The following SSR1 variants were observed in gnomAD, a reference collection of about 807,000 sequenced individuals.
SSR1 encodes the protein signal sequence receptor subunit 1.
A neutral mutation model predicts 36.1 loss-of-function variants in SSR1; 13 were observed. The observed-to-expected ratio is 0.36, with a 90% confidence interval of 0.23 to 0.57. The LOEUF is 0.57. Ranked by LOEUF, SSR1 falls within the 20% of genes least tolerant of loss-of-function variation. The pLI, the probability that SSR1 is intolerant of heterozygous loss-of-function variation, is 0.81. For synonymous variants in SSR1, 113 were observed against 118.9 expected (o/e 0.95, Z 0.32); for missense variants, 291 against 338.5 (o/e 0.86, Z 1.10).
At position 7,295,426 on chromosome 6, in the gene SSR1, C is replaced by T. The variant is rs771292500; in HGVS notation, c.759G>A (p.Met253Ile). The change falls in exon 7 of 8, where the codon ATG becomes ATA. Residue 253 changes from methionine to isoleucine, a missense_variant. By Grantham distance (10) the Met-to-Ile change is conservative. Transcript: ENST00000244763. The stretch of plus-strand genomic sequence containing the variant: ...TCAATGTTTCCTGAGGAATCCAACT[C>T]ATGTCAACATCATTCTGACTTGATG... ...MGTSSQNDVD[M>I]SWIPQETLNQ... 1 of 1,612,192 alleles carries T rather than the reference C, an allele frequency of 6.2e-7. No individual in the cohort carries two copies. The highest frequency in any genetic ancestry group is 8.5e-7 in the Non-Finnish European group (1 of 1,179,450).
At chr6:7,307,644 T>C (rs9502598) in intron 2 of SSR1, among the ~76,000 whole-genome samples, 1 of 152,182 alleles carries the variant, frequency 6.6e-6, no homozygotes, top group Non-Finnish European at 1.5e-5. Context: ...TGGGCTCAAG[T>C]GATCCTCCTG....
chr6:7,312,241 C>T (rs1343506359), intron 1 of SSR1, among the ~76,000 whole-genome samples: 1 of 152,216 alleles, frequency 6.6e-6, no homozygotes, highest in African/African-American at 2.4e-5. Context: ...CACTTAATTG[C>T]TGGGTTAATT....
rs547321553 is a variant in SSR1, at chr6:7,281,247, A to C, written c.*8617T>G. ...GGAGGTTAGACCAGTAACAACAACC[A>C]AGAAAGCAAAGTGCTCGTTTCCATC... On this transcript the variant is annotated 3_prime_UTR_variant, in exon 8 of 8. Coordinates refer to ENST00000244763, the MANE Select transcript of SSR1 (RefSeq NM_003144.5). 2.0e-5 allele frequency: 3 copies of C among 152,206 alleles called. No homozygotes were observed. 9.4% of individuals were successfully genotyped at this position (152,206 alleles called of 1,614,324 possible). A position where few individuals can be genotyped will look rare whatever the true frequency, so the allele number is the denominator to read the frequency against.
At position 7,297,839 on chromosome 6, in the gene SSR1, T is replaced by C. The variant is rs1343335141; in HGVS notation, c.699+84A>G. ...TACGTATACAAACCCACAGTGACAGTATGAGGCCGAAGAACTAGACTGCTT... is the reference window on the plus strand; with the variant it reads ...TACGTATACAAACCCACAGTGACAGCATGAGGCCGAAGAACTAGACTGCTT... On this transcript the variant is annotated intron_variant, in intron 6 of 7. Transcript: ENST00000244763. 4 of 982,364 alleles carry C rather than the reference T, an allele frequency of 4.1e-6. No individual in the cohort carries two copies. The East Asian group carries it at 7.7e-5, about 19-fold the overall frequency. The allele number at this position is 982,364 out of a possible 1,614,324, so 60.9% of individuals were successfully genotyped here. A position where few individuals can be genotyped will look rare whatever the true frequency, so the allele number is the denominator to read the frequency against.
chr6:7,293,711 G>A (rs1017553837), intron 7 of SSR1, among the ~76,000 whole-genome samples: 1 of 152,168 alleles, frequency 6.6e-6, no homozygotes, highest in Admixed American at 6.5e-5. Context: ...ACCACGCCTG[G>A]CCAAATATTG....
chr6:7,310,581 T>C (rs1758167662), intron 1 of SSR1, among the ~76,000 whole-genome samples: 2 of 152,208 alleles, frequency 1.3e-5, no homozygotes, highest in South Asian at 2.1e-4. Context: ...TCATTAACCA[T>C]ACAAAGCAAA....
intron 1 of SSR1, among the ~76,000 whole-genome samples, chr6:7,310,627 C>T (rs569236774): frequency 6.6e-6 from 1 of 152,306 alleles, no homozygotes; most frequent in Admixed American, 6.5e-5. Flanking sequence ...AAACAGCATT[C>T]TTGGCCGGCG....
At chr6:7,295,349 C>T in intron 7 of SSR1, 43 bp downstream of exon 7, 1 of 1,478,468 alleles carries the variant, frequency 6.8e-7, no homozygotes, top group Non-Finnish European at 9.3e-7. Flanking sequence ...TTAATTTCCA[C>T]TTAAGAGAAA....
chr6:7,304,104 T>C (rs530446976), intron 2 of SSR1, among the ~76,000 whole-genome samples: 12 of 152,358 alleles, frequency 7.9e-5, no homozygotes, highest in African/African-American at 2.2e-4. Flanking sequence ...TGAACAGTAA[T>C]GTGCCTACCA....
At position 7,289,679 on chromosome 6, in the gene SSR1, T is replaced by C; in HGVS notation, c.*185A>G. 1.7e-6 allele frequency: 1 copy of C among 598,944 alleles called. No individual in the cohort carries two copies. The highest frequency in any genetic ancestry group is 2.3e-5 in the South Asian group (1 of 43,948). 37.1% of individuals were successfully genotyped at this position (598,944 alleles called of 1,614,324 possible). A position where few individuals can be genotyped will look rare whatever the true frequency, so the allele number is the denominator to read the frequency against. On this transcript the variant is annotated 3_prime_UTR_variant, in exon 8 of 8. Coordinates refer to ENST00000244763, the MANE Select transcript of SSR1 (RefSeq NM_003144.5). ...ATGGTTTAAAAAAAAACCAAATTTG[T>C]TACTTTAGAAAAATGAATGCAGTGC...
chr6:7,297,104 C>T (rs78133646), intron 6 of SSR1: 9,817 of 335,950 alleles, frequency 0.029, 196 homozygotes, highest in Non-Finnish European at 0.042. Context: ...ACCTGTAGTT[C>T]GACTACTCAG....
chr6:7,285,156 C>G lies in SSR1; in HGVS notation c.*4708G>C, dbSNP rs918321678. 3 of 152,218 alleles carry G rather than the reference C, an allele frequency of 2.0e-5. No individual in the cohort carries two copies. The highest frequency in any genetic ancestry group is 7.2e-5 in the African/African-American group (3 of 41,448). The allele number at this position is 152,218 out of a possible 1,614,324, so 9.4% of individuals were successfully genotyped here. A position where few individuals can be genotyped will look rare whatever the true frequency, so the allele number is the denominator to read the frequency against. ...AAAAACAAGCCAGATACAGAGCTCA[C>G]AGTCCAGAAGGAGATGTCAACAAGA... On this transcript the variant is annotated 3_prime_UTR_variant, in exon 8 of 8. Coordinates refer to ENST00000244763, the MANE Select transcript of SSR1 (RefSeq NM_003144.5). The surrounding 1 kb of genome is among the most constrained non-coding windows in gnomAD (Gnocchi z 4.1).
chr6:7,282,290 A>G lies in SSR1; in HGVS notation c.*7574T>C, dbSNP rs2764087. On this transcript the variant is annotated 3_prime_UTR_variant, in exon 8 of 8. Coordinates refer to ENST00000244763, the MANE Select transcript of SSR1 (RefSeq NM_003144.5). ...ACAACAGAACAGGAAGTGAGGCAGGAGAACCACAGAGATGGAAGCCAGGAG... is the reference window on the plus strand; with the variant it reads ...ACAACAGAACAGGAAGTGAGGCAGGGGAACCACAGAGATGGAAGCCAGGAG... The G allele has an allele frequency of 0.34, 52,327 of 152,132 alleles. 9,540 individuals carry two copies. Among genetic ancestry groups the G allele is most frequent in the African/African-American group, 0.46 (18,923 of 41,460 alleles). The allele number at this position is 152,132 out of a possible 1,614,324, so 9.4% of individuals were successfully genotyped here. A position where few individuals can be genotyped will look rare whatever the true frequency, so the allele number is the denominator to read the frequency against.
intron 2 of SSR1, among the ~76,000 whole-genome samples, chr6:7,308,377 A>G (rs1758116807): frequency 6.6e-6 from 1 of 152,210 alleles, no homozygotes; most frequent in East Asian, 1.9e-4. Context: ...GCAGAAATCT[A>G]TATATAAGAA....
At chr6:7,300,130 T>C (rs1456651016) in intron 4 of SSR1, among the ~76,000 whole-genome samples, 1 of 152,220 alleles carries the variant, frequency 6.6e-6, no homozygotes, top group Non-Finnish European at 1.5e-5. Flanking sequence ...CTGTAAGTTA[T>C]TATTTTGAGG....
chr6:7,299,127 C>T (rs74832852), intron 4 of SSR1, among the ~76,000 whole-genome samples: 5,840 of 150,722 alleles, frequency 0.039, 255 homozygotes, highest in African/African-American at 0.11. Context: ...GCAAACATAG[C>T]GAGATCCACA....
At chr6:7,307,371 C>G (rs1044263065) in intron 2 of SSR1, among the ~76,000 whole-genome samples, 1 of 152,186 alleles carries the variant, frequency 6.6e-6, no homozygotes, top group Non-Finnish European at 1.5e-5. Context: ...GCAGAGGGTA[C>G]TAACACTTCT....
At chr6:7,295,185 G>A in intron 7 of SSR1, 1 of 1,426,312 alleles carries the variant, frequency 7.0e-7, no homozygotes, top group Non-Finnish European at 9.3e-7. Context: ...TGCAGATCTG[G>A]AAGAATTTCC....
intron 1 of SSR1, among the ~76,000 whole-genome samples, chr6:7,311,117 T>C (rs1479381669): frequency 6.6e-6 from 1 of 152,170 alleles, no homozygotes; most frequent in Non-Finnish European, 1.5e-5. Flanking sequence ...GCTTCAGGTT[T>C]GATAGCAAAG....
Sources: allele counts gnomAD v4.1 joint callset (sites outside exome capture counted in the v4.1 genomes callset), GRCh38; gene constraint gnomAD v4.1.1; non-coding constraint Gnocchi (gnomAD v3.1); transcripts MANE v1.5; gene names NCBI Gene and HGNC (gene_info 2026-07-23, HGNC 2026-07-21).